The following BCAS3 variants were observed in gnomAD, a reference collection of about 807,000 sequenced individuals.
BCAS3 encodes BCAS3 microtubule associated cell migration factor.
BCAS3 carries 53 observed loss-of-function variants against 116.1 expected under a neutral mutation model. The observed-to-expected ratio is 0.46, with a 90% CI of 0.37 to 0.57. The LOEUF (loss-of-function observed/expected upper bound fraction) is 0.57, where lower values mean the gene tolerates loss of function less well. Ranked by LOEUF, BCAS3 falls within the 20% of genes least tolerant of loss-of-function variation. BCAS3 has a pLI of 0.00. For synonymous variants in BCAS3, 391 were observed against 408.2 expected (o/e 0.96, Z 0.51); for missense variants, 917 against 1,165.4 (o/e 0.79, Z 3.10).
chr17:60,764,052 T>C (rs894029668), intron 6 of BCAS3, among the ~76,000 whole-genome samples: 5 of 152,238 alleles, frequency 3.3e-5, no homozygotes, highest in Non-Finnish European at 7.3e-5. Context: ...ATCCCCTTTA[T>C]CATTTTTTAT....
intron 16 of BCAS3, among the ~76,000 whole-genome samples, chr17:61,022,649 T>C (rs1045012304): frequency 6.6e-6 from 1 of 152,172 alleles, no homozygotes; most frequent in Non-Finnish European, 1.5e-5. Flanking sequence ...AATTTTAACA[T>C]TATCAATGTT....
At position 61,045,909 on chromosome 17, in the gene BCAS3, ATATTT is replaced by A. The variant is rs2068087420; in HGVS notation, c.2029+5018_2029+5022del. Among the ~76,000 whole-genome samples, 36 of 31,278 alleles carry A rather than the reference ATATTT, an allele frequency of 1.2e-3. 12 individuals are homozygous for A. In the African/African-American group the frequency reaches 0.012, roughly 11 times the overall value. 20.5% of individuals were successfully genotyped at this position (31,278 alleles called of 152,430 possible). A position where few individuals can be genotyped will look rare whatever the true frequency, so the allele number is the denominator to read the frequency against. ...TTATATATATAATATATATAAATAT[ATATTT>A]ATATATATAATATATATAAATATAT... On this transcript the variant is annotated intron_variant, in intron 19 of 23. Coordinates refer to ENST00000407086, the MANE Select transcript of BCAS3 (RefSeq NM_017679.5).
chr17:61,058,030 T>C (rs910461003), intron 19 of BCAS3, among the ~76,000 whole-genome samples: 9 of 152,114 alleles, frequency 5.9e-5, no homozygotes, highest in Admixed American at 4.6e-4. Context: ...GTTTCTGGAG[T>C]TCTGACTGTT....
chr17:61,290,682 T>C (rs1212469148), intron 22 of BCAS3, among the ~76,000 whole-genome samples: 2 of 152,216 alleles, frequency 1.3e-5, no homozygotes, highest in African/African-American at 4.8e-5. Flanking sequence ...TGCCCATTAC[T>C]TCAACAGAAT....
chr17:60,720,886 A>G (rs1450452943), intron 5 of BCAS3, among the ~76,000 whole-genome samples: 1 of 152,122 alleles, frequency 6.6e-6, no homozygotes, highest in Non-Finnish European at 1.5e-5. Context: ...AAAAGTTAGT[A>G]TTTGTAGTGT....
intron 19 of BCAS3, among the ~76,000 whole-genome samples, chr17:61,044,873 G>A (rs548936153): frequency 1.7e-4 from 25 of 150,734 alleles, no homozygotes; most frequent in African/African-American, 4.6e-4. Context: ...CTGGGTTCAC[G>A]CAATTCCCCT....
At position 61,144,219 on chromosome 17, in the gene BCAS3, T is replaced by A. The variant is rs113446213; in HGVS notation, c.2425+59655T>A. On this transcript the variant is annotated intron_variant, in intron 22 of 23. Coordinates refer to ENST00000407086, the MANE Select transcript of BCAS3 (RefSeq NM_017679.5). This position sits in a 1 kb window ranked among gnomAD's most constrained non-coding sequence, Gnocchi z 5.0. ...AATTTTGGAGCATGGATTTTTTTTT[T>A]AAGGAGGGTTATAGTATCCTGAAGA... Among the ~76,000 whole-genome samples, 7 of 152,188 alleles carry A rather than the reference T, an allele frequency of 4.6e-5. No homozygotes were observed. In the South Asian group the frequency reaches 1.5e-3, roughly 32 times the overall value.
chr17:61,027,047 A>G, intron 16 of BCAS3: 1 of 716,376 alleles, frequency 1.4e-6, no homozygotes, highest in Non-Finnish European at 2.3e-6. Flanking sequence ...TTGTAGATGG[A>G]ACATGAATGT....
At chr17:61,016,685 A>G (rs1281522009) in intron 16 of BCAS3, among the ~76,000 whole-genome samples, 2 of 152,238 alleles carry the variant, frequency 1.3e-5, no homozygotes, top group African/African-American at 4.8e-5. Context: ...GTTTAATCTA[A>G]TTTGAAATGA....
At chr17:61,299,950 C>T (rs957822277) in intron 22 of BCAS3, among the ~76,000 whole-genome samples, 2 of 152,156 alleles carry the variant, frequency 1.3e-5, no homozygotes, top group Admixed American at 1.3e-4. Context: ...CTCACAGATA[C>T]GTGTATAGAA....
chr17:61,257,061 C>T (rs1041201491), intron 22 of BCAS3, among the ~76,000 whole-genome samples: 5 of 152,166 alleles, frequency 3.3e-5, no homozygotes, highest in Non-Finnish European at 5.9e-5. Flanking sequence ...TCTTTGCGAT[C>T]GGTGTTGTCA....
intron 22 of BCAS3, among the ~76,000 whole-genome samples, chr17:61,225,218 G>C (rs1418458865): frequency 6.9e-6 from 1 of 144,562 alleles, no homozygotes; most frequent in African/African-American, 2.6e-5. Flanking sequence ...TCCTGACCAT[G>C]CCTGCCTTTG....
At chr17:60,769,757 GTTTTTAATTT>G (rs1156248223) in intron 6 of BCAS3, among the ~76,000 whole-genome samples, 2 of 151,958 alleles carry the variant, frequency 1.3e-5, no homozygotes, top group Non-Finnish European at 2.9e-5. Context: ...AGTCCTTTGG[GTTTTTAATTT>G]TTTTTAATTT....
intron 22 of BCAS3, among the ~76,000 whole-genome samples, chr17:61,170,540 C>T (rs575040587): frequency 2.1e-4 from 32 of 152,112 alleles, no homozygotes; most frequent in African/African-American, 7.5e-4. Context: ...GATCTGCCTG[C>T]CTTGGCCTCC....
At chr17:60,732,943 T>C (rs1203705301) in intron 5 of BCAS3, among the ~76,000 whole-genome samples, 2 of 152,234 alleles carry the variant, frequency 1.3e-5, no homozygotes, top group Non-Finnish European at 2.9e-5. Flanking sequence ...ATTAATAGCA[T>C]GATTTGAGAT....
Position 61,364,223 on chromosome 17 carries a change from G to A in BCAS3, c.2426-4104G>A, listed in dbSNP as rs73993474. 0.013 allele frequency among the ~76,000 whole-genome samples: 1,911 copies of A among 152,256 alleles called. 35 individuals are homozygous for A. The highest frequency in any genetic ancestry group is 0.043 in the African/African-American group (1,807 of 41,550). On this transcript the variant is annotated intron_variant, in intron 22 of 23. Transcript: ENST00000407086. The surrounding 1 kb of genome is among the most constrained non-coding windows in gnomAD (Gnocchi z 5.4). ...TCGCTCCTCAACTTCCTAGCTGTGC[G>A]CATGCGAAGAGAGAACAGACCCACT... is the stretch of plus-strand genomic sequence containing the variant.
At chr17:60,732,775 G>C (rs1223569986) in intron 5 of BCAS3, among the ~76,000 whole-genome samples, 1 of 152,108 alleles carries the variant, frequency 6.6e-6, no homozygotes, top group African/African-American at 2.4e-5. Context: ...GGAGGCGGAG[G>C]TTGCAGTGAG....
In BCAS3 at chr17:60,909,776, A is replaced by C. The variant is rs550680387; in HGVS notation, c.823-756A>C. Reference sequence around the variant, plus strand: ...CAGAGGATATTCACATAGAAGAAAAAATATTTCACGAGTTAGTTTTACTTA... The same window carrying C: ...CAGAGGATATTCACATAGAAGAAAACATATTTCACGAGTTAGTTTTACTTA... On this transcript the variant is annotated intron_variant, in intron 11 of 23. Coordinates refer to ENST00000407086, the MANE Select transcript of BCAS3 (RefSeq NM_017679.5). Among the ~76,000 whole-genome samples, 13 of 152,286 alleles carry C rather than the reference A, an allele frequency of 8.5e-5. No individual in the cohort carries two copies. In the South Asian group the frequency reaches 2.7e-3, roughly 32 times the overall value.
intron 6 of BCAS3, among the ~76,000 whole-genome samples, chr17:60,751,927 G>T (rs2042506867): frequency 6.6e-6 from 1 of 152,158 alleles, no homozygotes; most frequent in South Asian, 2.1e-4. Flanking sequence ...ATACTCAAAT[G>T]TGGGAAATGA....
Sources: gnomAD v4.1 joint callset for allele counts (sites outside exome capture counted in the v4.1 genomes callset) on GRCh38, gnomAD v4.1.1 for gene constraint, Gnocchi (gnomAD v3.1) non-coding constraint, MANE v1.5 for transcripts, NCBI Gene and HGNC (gene_info 2026-07-23, HGNC 2026-07-21) for gene names.